NELL1: variants seen among roughly 807,000 people sequenced by gnomAD.
The protein encoded by NELL1 is neural EGFL like 1, also known as protein kinase C-binding protein NELL1.
A neutral mutation model predicts 107.4 loss-of-function variants in NELL1; 76 were observed. The ratio of observed to expected loss-of-function variants is 0.71; its 90% CI spans 0.59 to 0.86. The LOEUF (loss-of-function observed/expected upper bound fraction) is 0.86, where lower values mean the gene tolerates loss of function less well. Among genes scored for constraint, NELL1 ranks in the 40% least tolerant of loss-of-function variants. The pLI is 0.00. For synonymous variants in NELL1, 353 were observed against 341.2 expected (o/e 1.03, Z -0.38); for missense variants, 1,024 against 1,005.5 (o/e 1.02, Z -0.25).
At chr11:21,489,075 A>C (rs1456991284) in intron 15 of NELL1, among the ~76,000 whole-genome samples, 1 of 152,020 alleles carries the variant, frequency 6.6e-6, no homozygotes, top group Non-Finnish European at 1.5e-5. Context: ...AAAGAAAAAA[A>C]ATCAGAAATG....
chr11:21,053,801 G>A lies in NELL1; in HGVS notation c.1301-59788G>A, dbSNP rs542005928. Among the ~76,000 whole-genome samples the A allele has an allele frequency of 7.9e-5, 12 of 152,228 alleles. No individual in the cohort carries two copies. The South Asian group carries it at 1.0e-3, about 13-fold the overall frequency. On this transcript the variant is annotated intron_variant, in intron 12 of 19. Coordinates refer to ENST00000357134, the MANE Select transcript of NELL1 (RefSeq NM_006157.5). ...GGCAAAATTGCTTTTCTTTGTATATGTGTCCATGTTTACACTAGATCTCCT... is the reference window on the plus strand; with the variant it reads ...GGCAAAATTGCTTTTCTTTGTATATATGTCCATGTTTACACTAGATCTCCT...
At chr11:20,897,700 T>A (rs11025803) in intron 5 of NELL1, among the ~76,000 whole-genome samples, 3,590 of 152,066 alleles carry the variant, frequency 0.024, 66 homozygotes, top group Non-Finnish European at 0.036. Flanking sequence ...GAATCTACAA[T>A]GAACTCAAAC....
At chr11:20,840,965 C>T (rs1048998398) in intron 3 of NELL1, among the ~76,000 whole-genome samples, 2 of 152,222 alleles carry the variant, frequency 1.3e-5, no homozygotes, top group African/African-American at 4.8e-5. Context: ...TATAGACTAG[C>T]AATAACTTGT....
chr11:20,705,423 C>T (rs1004212650), intron 2 of NELL1, among the ~76,000 whole-genome samples: 73 of 151,894 alleles, frequency 4.8e-4, no homozygotes, highest in Non-Finnish European at 9.1e-4. Flanking sequence ...GAAAGGATTC[C>T]CTATTTAATA....
chr11:20,952,635 A>G (rs16907132), intron 11 of NELL1, among the ~76,000 whole-genome samples: 152 of 152,294 alleles, frequency 1.0e-3, no homozygotes, highest in Non-Finnish European at 1.9e-3. Flanking sequence ...TCAAAATGCC[A>G]TCAACTGTGG....
intron 4 of NELL1, among the ~76,000 whole-genome samples, chr11:20,854,572 CTCTT>C (rs1414581061): frequency 6.6e-6 from 1 of 152,208 alleles, no homozygotes; most frequent in Non-Finnish European, 1.5e-5. Flanking sequence ...TGCTCACTCT[CTCTT>C]TTTCTTTTTT....
chr11:20,960,312 A>T, intron 11 of NELL1, 120 bp from the exon 12 acceptor site: 1 of 1,048,628 alleles, frequency 9.5e-7, no homozygotes. Context: ...TTATCCGTGC[A>T]TACTGCCAAA....
At chr11:20,707,181 G>A (rs184210173) in intron 2 of NELL1, among the ~76,000 whole-genome samples, 5 of 152,226 alleles carry the variant, frequency 3.3e-5, no homozygotes, top group African/African-American at 9.6e-5. Flanking sequence ...CGTTTGTCAC[G>A]TAGTTCTCCT....
intron 12 of NELL1, among the ~76,000 whole-genome samples, chr11:21,078,141 A>G (rs939109309): frequency 1.4e-4 from 22 of 152,234 alleles, no homozygotes; most frequent in African/African-American, 5.3e-4. Context: ...ACCTCAAAGA[A>G]ACAAAAATCT....
At chr11:21,051,110 A>G (rs1853483071) in intron 12 of NELL1, among the ~76,000 whole-genome samples, 1 of 152,198 alleles carries the variant, frequency 6.6e-6, no homozygotes, top group South Asian at 2.1e-4. Context: ...CCCAATTCAC[A>G]ATTACAAAAT....
intron 15 of NELL1, among the ~76,000 whole-genome samples, chr11:21,450,768 A>G (rs1260394706): frequency 6.6e-6 from 1 of 152,200 alleles, no homozygotes; most frequent in Non-Finnish European, 1.5e-5. Context: ...ATTATTGCTA[A>G]TAAAATATTT....
At chr11:21,311,701 G>A (rs1849753056) in intron 14 of NELL1, among the ~76,000 whole-genome samples, 1 of 151,976 alleles carries the variant, frequency 6.6e-6, no homozygotes, top group South Asian at 2.1e-4. Context: ...TTCTTCTAAT[G>A]CCCATGAAAA....
chr11:20,870,396 T>A (rs1451387659), intron 4 of NELL1, among the ~76,000 whole-genome samples: 1 of 151,872 alleles, frequency 6.6e-6, no homozygotes, highest in Non-Finnish European at 1.5e-5. Flanking sequence ...ATTAAAGGAG[T>A]CGCCTGTGTG....
intron 15 of NELL1, chr11:21,504,091 A>C (rs955874212): frequency 3.9e-5 from 6 of 152,190 alleles, no homozygotes; most frequent in Non-Finnish European, 7.3e-5. Flanking sequence ...TCTAGTGGTG[A>C]GAATGCTGGC....
intron 13 of NELL1, chr11:21,170,254 G>A (rs1052789649): frequency 5.4e-6 from 2 of 373,636 alleles, no homozygotes; most frequent in African/African-American, 4.3e-5. Flanking sequence ...TAACTACAAG[G>A]GTATGGGCCT....
At chr11:21,304,578 T>C (rs12222010) in intron 14 of NELL1, among the ~76,000 whole-genome samples, 12 of 151,386 alleles carry the variant, frequency 7.9e-5, no homozygotes, top group South Asian at 4.2e-4. Context: ...GTTTTTTTTT[T>C]TCTCTCTCTC....
At chr11:20,823,823 C>T (rs1260236353) in intron 3 of NELL1, among the ~76,000 whole-genome samples, 2 of 151,178 alleles carry the variant, frequency 1.3e-5, no homozygotes, top group Non-Finnish European at 1.5e-5. Flanking sequence ...CATGGAAATC[C>T]TTCAGAAATG....
intron 14 of NELL1, among the ~76,000 whole-genome samples, chr11:21,291,622 A>C (rs541415490): frequency 1.3e-5 from 2 of 152,298 alleles, no homozygotes; most frequent in South Asian, 4.1e-4. Context: ...ACAACAACAA[A>C]AAAAGAATAT....
At chr11:20,763,673 T>C (rs2133960347) in intron 2 of NELL1, among the ~76,000 whole-genome samples, 1 of 152,354 alleles carries the variant, frequency 6.6e-6, no homozygotes, top group African/African-American at 2.4e-5. Flanking sequence ...GGGACTGTTT[T>C]TATGCCAAAA....
Sources: gnomAD v4.1 joint callset for allele counts (sites outside exome capture counted in the v4.1 genomes callset) on GRCh38, gnomAD v4.1.1 for gene constraint, MANE v1.5 for transcripts, NCBI Gene and HGNC (gene_info 2026-07-23, HGNC 2026-07-21) for gene names.